The following ICA1 variants were observed in gnomAD, a reference collection of about 807,000 sequenced individuals.
The protein encoded by ICA1 is islet cell autoantigen 1, also known as 69 kDa islet cell autoantigen.
In ICA1, 40 loss-of-function variants were observed where a neutral mutation model predicts 71.0. That is an observed-to-expected ratio of 0.56 (90% CI 0.44 to 0.73). The LOEUF is 0.73. Among genes scored for constraint, ICA1 ranks in the 30% least tolerant of loss-of-function variants. The pLI is 0.00. For synonymous variants in ICA1, 207 were observed against 209.5 expected (o/e 0.99, Z 0.10); for missense variants, 578 against 576.5 (o/e 1.00, Z -0.03).
chr7:8,166,034 G>A (rs891241302), intron 6 of ICA1, among the ~76,000 whole-genome samples: 1 of 152,036 alleles, frequency 6.6e-6, no homozygotes, highest in South Asian at 2.1e-4. Flanking sequence ...ATTTCATATA[G>A]AACCAAAAAA....
chr7:8,252,297 G>A (rs965990867), intron 1 of ICA1, among the ~76,000 whole-genome samples: 1 of 152,182 alleles, frequency 6.6e-6, no homozygotes, highest in African/African-American at 2.4e-5. Context: ...ATCAAGTTCT[G>A]TGAAGGAATA....
chr7:8,192,635 G>A (rs761085999), intron 6 of ICA1, among the ~76,000 whole-genome samples: 6 of 152,146 alleles, frequency 3.9e-5, no homozygotes, highest in Non-Finnish European at 5.9e-5. Flanking sequence ...CATATTCATA[G>A]ATGATTCTTG....
At chr7:8,239,599 C>T (rs1215239946) in intron 1 of ICA1, among the ~76,000 whole-genome samples, 2 of 152,212 alleles carry the variant, frequency 1.3e-5, no homozygotes, top group Non-Finnish European at 2.9e-5. Context: ...AGGGCATCTT[C>T]TCACCCAGGA....
intron 8 of ICA1, among the ~76,000 whole-genome samples, chr7:8,147,550 T>TA (rs1797453162): frequency 6.6e-6 from 1 of 151,998 alleles, no homozygotes. Context: ...AAGGTTACAC[T>TA]AAAAAAACTA....
chr7:8,262,212 G>C (rs938718432), upstream of ICA1: 1 of 152,086 alleles, frequency 6.6e-6, no homozygotes, highest in African/African-American at 2.4e-5. Context: ...CGCAGGAACC[G>C]GCCCTTCCTG....
At chr7:8,143,163 A>G (rs1438903679) in intron 9 of ICA1, among the ~76,000 whole-genome samples, 1 of 152,220 alleles carries the variant, frequency 6.6e-6, no homozygotes, top group Admixed American at 6.5e-5. Context: ...GCAAGCTATT[A>G]TATCTCCATA....
At chr7:8,254,833 C>A (rs1809502859) in intron 1 of ICA1, among the ~76,000 whole-genome samples, 1 of 152,132 alleles carries the variant, frequency 6.6e-6, no homozygotes, top group Admixed American at 6.5e-5. Flanking sequence ...AATGGCAACA[C>A]TGAGTCAACA....
At chr7:8,157,035 T>C (rs1265805248) in intron 8 of ICA1, 81 bp downstream of exon 8, 1 of 1,611,630 alleles carries the variant, frequency 6.2e-7, no homozygotes, top group Non-Finnish European at 8.5e-7. Flanking sequence ...TAATGATGCT[T>C]TCTGCAATGG....
In ICA1 at chr7:8,234,794, C is replaced by T. The variant is rs1801331892; in HGVS notation, c.17+1116G>A. Among the ~76,000 whole-genome samples the T allele has an allele frequency of 6.6e-6, 1 of 152,058 alleles. No individual in the cohort carries two copies. Among genetic ancestry groups the T allele is most frequent in the South Asian group, 2.1e-4 (1 of 4,824 alleles). ...AAAGATAATCTCTCTATAGAATATG[C>T]ACATTAAAAGGTTGGAAGGATACAC... is the stretch of plus-strand genomic sequence containing the variant. On this transcript the variant is annotated intron_variant, in intron 2 of 13. Transcript: ENST00000402384. The surrounding 1 kb of genome is among the most constrained non-coding windows in gnomAD (Gnocchi z 4.5).
chr7:8,197,750 T>A (rs551454430), intron 6 of ICA1, among the ~76,000 whole-genome samples: 1 of 151,562 alleles, frequency 6.6e-6, no homozygotes. Context: ...CTACTAAACG[T>A]TGGAAGCTGG....
intron 4 of ICA1, among the ~76,000 whole-genome samples, chr7:8,224,926 G>A (rs1798149050): frequency 6.6e-6 from 1 of 152,326 alleles, no homozygotes; most frequent in African/African-American, 2.4e-5. Context: ...CAATGGTGAA[G>A]TGTCTTTCTT....
At chr7:8,177,611 C>G (rs1781012865) in intron 6 of ICA1, among the ~76,000 whole-genome samples, 1 of 152,044 alleles carries the variant, frequency 6.6e-6, no homozygotes, top group Admixed American at 6.5e-5. Context: ...ATGTGAAAAG[C>G]TGAAGAATTT....
intron 12 of ICA1, among the ~76,000 whole-genome samples, chr7:8,136,012 G>T (rs1347725830): frequency 6.6e-6 from 1 of 152,166 alleles, no homozygotes; most frequent in East Asian, 1.9e-4. Context: ...AAGGCAGTTT[G>T]AGAGCCACTT....
At chr7:8,215,446 TAGACACTACTGTTCACCATGCGCCACCAC>T (rs1583339418) in intron 6 of ICA1, among the ~76,000 whole-genome samples, 4 of 152,058 alleles carry the variant, frequency 2.6e-5, no homozygotes, top group South Asian at 2.1e-4. Context: ...CGTGCCACCA[TAGACACTACTGTTCACCATGCGCCACCAC>T]AGACACTACT....
At chr7:8,252,495 C>G (rs1292202540) in intron 1 of ICA1, among the ~76,000 whole-genome samples, 2 of 152,078 alleles carry the variant, frequency 1.3e-5, no homozygotes, top group East Asian at 3.8e-4. Context: ...TCATCTAAGA[C>G]TATGCAGTCC....
rs529041922 is a variant in ICA1 at position 8,184,905 on chromosome 7, T to A, written c.580-26253A>T. The stretch of plus-strand genomic sequence containing the variant: ...GCCTGGCCAACATGGTGAAACCCCA[T>A]CTTTATTAAAATACAAAAATTAGTT... On this transcript the variant is annotated intron_variant, in intron 6 of 13. Coordinates refer to ENST00000402384, the MANE Select transcript of ICA1 (RefSeq NM_001136020.3). 8.6e-4 allele frequency among the ~76,000 whole-genome samples: 131 copies of A among 152,212 alleles called. 1 individual carries two copies. The highest frequency in any genetic ancestry group is 3.1e-3 in the African/African-American group (127 of 41,534).
At chr7:8,217,039 C>A (rs1180491757) in intron 6 of ICA1, among the ~76,000 whole-genome samples, 2 of 152,222 alleles carry the variant, frequency 1.3e-5, no homozygotes, top group Non-Finnish European at 2.9e-5. Context: ...CCTGGGCTCA[C>A]CAGCATCTAG....
At chr7:8,195,399 G>T (rs542145464) in intron 6 of ICA1, among the ~76,000 whole-genome samples, 2 of 151,974 alleles carry the variant, frequency 1.3e-5, no homozygotes, top group African/African-American at 4.8e-5. Flanking sequence ...AAAATTAGCC[G>T]GGTGTGGTGG....
At chr7:8,236,365 A>G (rs564519955) in intron 1 of ICA1, among the ~76,000 whole-genome samples, 1 of 152,344 alleles carries the variant, frequency 6.6e-6, no homozygotes, top group South Asian at 2.1e-4. Flanking sequence ...AGGAATGATG[A>G]ACACTAAGTT....
Sources: allele counts gnomAD v4.1 joint callset (sites outside exome capture counted in the v4.1 genomes callset), GRCh38; gene constraint gnomAD v4.1.1; non-coding constraint Gnocchi (gnomAD v3.1); transcripts MANE v1.5; gene names NCBI Gene and HGNC (gene_info 2026-07-23, HGNC 2026-07-21).